The following EVPL variants were observed in gnomAD, a reference collection of about 807,000 sequenced individuals.
EVPL encodes the protein envoplakin.
EVPL carries 94 observed loss-of-function variants against 129.7 expected under a neutral mutation model. That is an observed-to-expected ratio of 0.72 (90% CI 0.61 to 0.86). The LOEUF is 0.86. Among genes scored for constraint, EVPL ranks in the 40% least tolerant of loss-of-function variants. The pLI is 0.00. For missense variants in EVPL, 2,625 were observed against 2,721.1 expected (o/e 0.96, Z 0.79); for synonymous variants, 1,172 against 1,191.1 (o/e 0.98, Z 0.33).
Position 76,008,945 on chromosome 17 carries a change from C to A in EVPL, c.4260G>T (p.Glu1420Asp). The A allele has an allele frequency of 6.2e-7, 1 of 1,612,182 alleles. No individual in the cohort carries two copies. Among genetic ancestry groups the A allele is most frequent in the Non-Finnish European group, 8.5e-7 (1 of 1,179,992 alleles). Residue 1420 changes from glutamate (E) to aspartate (D), a missense_variant, in exon 22 of 22, where the codon GAG becomes GAT. Glu to Asp is a conservative substitution (Grantham distance 45). Around this residue, in one of 4 missense-constraint regions of EVPL, gnomAD observed 1,453 missense variants for 1,511.8 expected, o/e 0.96. Coordinates refer to ENST00000301607, the MANE Select transcript of EVPL (RefSeq NM_001988.4). The surrounding 1 kb of genome is among the most constrained non-coding windows in gnomAD (Gnocchi z 7.4). ...GGTCCTCCTGGAAGCTGAGCAGGCC[C>A]TCCTGCTCCTCCACGCCGGCCCGCA... Reference protein sequence around the residue: ...QQLRAGVEEQEGLLSFQEDRS... With the variant: ...QQLRAGVEEQDGLLSFQEDRS...
rs567347961 is a variant in EVPL, at chr17:76,008,960, G to A, written c.4245C>T (p.Gly1415=). The part of the protein sequence containing the change: ...LELEVQQLRA[G]VEEQEGLLSF... Reference sequence around the variant, plus strand: ...TGAGCAGGCCCTCCTGCTCCTCCACGCCGGCCCGCAGCTGCTGCACCTCAA... The same window carrying A: ...TGAGCAGGCCCTCCTGCTCCTCCACACCGGCCCGCAGCTGCTGCACCTCAA... Residue 1415 remains glycine (G), a synonymous_variant, in exon 22 of 22, where the codon GGC becomes GGT. Transcript: ENST00000301607. The surrounding 1 kb of genome is among the most constrained non-coding windows in gnomAD (Gnocchi z 7.4). The A allele has an allele frequency of 1.6e-5, 25 of 1,611,448 alleles. No individual in the cohort carries two copies. In the East Asian group the frequency reaches 3.1e-4, roughly 20 times the overall value.
At chr17:76,021,417 C>G in intron 9 of EVPL, 51 bp downstream of exon 9, 1 of 593,852 alleles carries the variant, frequency 1.7e-6, no homozygotes. Context: ...TGCTCCCGCC[C>G]CTGCCGCCCC....
rs2066353965 is a variant in EVPL at position 76,009,343 on chromosome 17, G to A, written c.3862C>T (p.Gln1288Ter). The A allele has an allele frequency of 6.2e-7, 1 of 1,612,592 alleles. No homozygotes were observed. The highest frequency in any genetic ancestry group is 1.7e-5 in the Admixed American group (1 of 59,998). The change falls in exon 22 of 22, where the codon CAG becomes TAG. Residue 1288 changes from glutamine to a stop codon, truncating the protein, a stop_gained. Coordinates refer to ENST00000301607, the MANE Select transcript of EVPL (RefSeq NM_001988.4). LOFTEE classifies it low-confidence loss of function (END_TRUNC). The surrounding 1 kb of genome is among the most constrained non-coding windows in gnomAD (Gnocchi z 5.9). ...CCCTGCAGGCGGATGAGCTGCTCCTGGGAGCGCCCGTGGCTGTTGACGAGC... is the reference window on the plus strand; with the variant it reads ...CCCTGCAGGCGGATGAGCTGCTCCTAGGAGCGCCCGTGGCTGTTGACGAGC... ...NELVNSHGRS[Q>*]EQLIRLQGER...
chr17:76,015,677 A>C (rs1280557060), intron 14 of EVPL, 49 bp from the exon 15 acceptor site: 1 of 1,555,196 alleles, frequency 6.4e-7, no homozygotes, highest in East Asian at 2.3e-5. Context: ...GTTCCGCCCG[A>C]CTCTTCTACC....
At chr17:76,027,052 A>T in intron 1 of EVPL, 49 bp downstream of exon 1, 1 of 1,140,720 alleles carries the variant, frequency 8.8e-7, no homozygotes, top group Non-Finnish European at 1.2e-6. Flanking sequence ...TGGGCCTGGC[A>T]CCACCCCCAC....
Position 76,007,154 on chromosome 17 carries a change from C to T in EVPL, c.6051G>A (p.Gly2017=). The change falls in exon 22 of 22, where the codon GGG becomes GGA. Residue 2017 remains glycine (G), a synonymous_variant. Transcript: ENST00000301607. The surrounding 1 kb of genome is among the most constrained non-coding windows in gnomAD (Gnocchi z 8.8). ...GGGAGGCGGAGCGGTAGCAGCGGTA[C>T]CCCTCCAGTGCCGCTGGCAGGAGCA... is the stretch of plus-strand genomic sequence containing the variant. ...GLLLLPAALE[G]YRCYRSASPT... 2.0e-6 allele frequency: 3 copies of T among 1,501,104 alleles called. No homozygotes were observed. Among genetic ancestry groups the T allele is most frequent in the Non-Finnish European group, 2.7e-6 (3 of 1,123,344 alleles). The allele number at this position is 1,501,104 out of a possible 1,614,324, so 93.0% of individuals were successfully genotyped here.
In EVPL at chr17:76,015,074, G is replaced by A; in HGVS notation, c.2064C>T (p.Cys688=). The A allele has an allele frequency of 6.3e-7, 1 of 1,580,806 alleles. No individual in the cohort carries two copies. Reference sequence around the variant, plus strand: ...TCAGCGCGCGGTGTAGCCGCAGCACGCAGGTCTGCTGTTCCAGCAGCTCCC... The same window carrying A: ...TCAGCGCGCGGTGTAGCCGCAGCACACAGGTCTGCTGTTCCAGCAGCTCCC... ...QRRELLEQQT[C]VLRLHRALKA... The change falls in exon 17 of 22, where the codon TGC becomes TGT. Residue 688 remains cysteine (C), a synonymous_variant. Transcript: ENST00000301607.
chr17:76,025,968 G>T (rs750041490), intron 1 of EVPL, among the ~76,000 whole-genome samples: 14 of 152,228 alleles, frequency 9.2e-5, no homozygotes, highest in Non-Finnish European at 1.6e-4. Flanking sequence ...AACAGACAGG[G>T]TCTTGCTCTG....
rs771583898 is a variant in EVPL at position 76,017,723 on chromosome 17, C to A, written c.1710+16G>T. On this transcript the variant is annotated intron_variant, in intron 14 of 21. Transcript: ENST00000301607. ...CCGCTTCTCATCCCAGCCGCCCCTT[C>A]CCGCTGCTCACCCACCTCATGGCTG... The A allele has an allele frequency of 6.2e-7, 1 of 1,606,186 alleles. No homozygotes were observed. Among genetic ancestry groups the A allele is most frequent in the Non-Finnish European group, 8.5e-7 (1 of 1,176,678 alleles).
At chr17:76,023,267 T>C (rs1223485349) in intron 4 of EVPL, 25 bp downstream of exon 4, 2 of 1,613,296 alleles carry the variant, frequency 1.2e-6, no homozygotes, top group East Asian at 4.5e-5. Flanking sequence ...CTGATCACAC[T>C]GGGGTGTGAC....
intron 4 of EVPL, among the ~76,000 whole-genome samples, 166 bp downstream of exon 4, chr17:76,023,126 C>T (rs1229411558): frequency 1.3e-5 from 2 of 152,118 alleles, no homozygotes; most frequent in African/African-American, 4.8e-5. Context: ...GTACCTCCTC[C>T]TGCAGGAAGT....
rs1160756131 is a variant in EVPL, at chr17:76,014,472, G to A, written c.2327C>T (p.Pro776Leu). ...GGCGATCTGGCTGGGGCCGTCGCTG[G>A]GCCGCACCTGGCTGCGGGGCAGGTG... is the stretch of plus-strand genomic sequence containing the variant. The part of the protein sequence containing the change: ...LEHLPRSQVR[P>L]SDGPSQIAYK... The change falls in exon 18 of 22, where the codon CCC (proline) becomes CTC (leucine). Residue 776 changes from proline (P) to leucine (L), a missense_variant. Physicochemically the swap from Pro to Leu is moderately conservative, Grantham distance 98. This residue lies in a region of EVPL where 1,024 missense variants were observed against 997.5 expected (regional missense o/e 1.03). Coordinates refer to ENST00000301607, the MANE Select transcript of EVPL (RefSeq NM_001988.4). The A allele has an allele frequency of 9.9e-6, 16 of 1,611,830 alleles. No homozygotes were observed. Among genetic ancestry groups the A allele is most frequent in the Non-Finnish European group, 1.4e-5 (16 of 1,179,478 alleles).
chr17:76,014,474 C>T lies in EVPL; in HGVS notation c.2325G>A (p.Arg775=). Residue 775 remains arginine, a synonymous_variant, in exon 18 of 22, where the codon CGG becomes CGA. Transcript: ENST00000301607. ...WLEHLPRSQV[R]PSDGPSQIAY... is the part of the protein sequence containing the mutation. Reference sequence around the variant, plus strand: ...CGATCTGGCTGGGGCCGTCGCTGGGCCGCACCTGGCTGCGGGGCAGGTGCT... The same window carrying T: ...CGATCTGGCTGGGGCCGTCGCTGGGTCGCACCTGGCTGCGGGGCAGGTGCT... 6.2e-7 allele frequency: 1 copy of T among 1,611,966 alleles called. No individual in the cohort carries two copies. Among genetic ancestry groups the T allele is most frequent in the Non-Finnish European group, 8.5e-7 (1 of 1,179,480 alleles).
At chr17:76,023,704 C>T in intron 2 of EVPL, 50 bp from the exon 3 acceptor site, 1 of 1,486,610 alleles carries the variant, frequency 6.7e-7, no homozygotes, top group Non-Finnish European at 9.0e-7. Flanking sequence ...CCCCCACACC[C>T]CTGCTGCCCA....
intron 9 of EVPL, 86 bp downstream of exon 9, chr17:76,021,382 G>A (rs1242799539): frequency 1.6e-6 from 2 of 1,285,858 alleles, no homozygotes; most frequent in Non-Finnish European, 2.2e-6. Flanking sequence ...GAGGTGCAGT[G>A]CCTCTCCTGT....
In EVPL at chr17:76,023,292, C is replaced by T. The variant is rs774816824; in HGVS notation, c.480G>A (p.Gln160=). The T allele has an allele frequency of 1.2e-6, 2 of 1,613,898 alleles. No homozygotes were observed. The highest frequency in any genetic ancestry group is 1.7e-5 in the Admixed American group (1 of 60,022). Residue 160 remains glutamine (Q), a splice_region_variant and synonymous_variant, in exon 4 of 22, where the codon CAG becomes CAA. Transcript: ENST00000301607. ...TGGGGTGTGACTTTGAGTTCCTGACCTGTTTCTGCTCCAGCACGCGTGCCC... is the reference window on the plus strand; with the variant it reads ...TGGGGTGTGACTTTGAGTTCCTGACTTGTTTCTGCTCCAGCACGCGTGCCC... ...VDWARVLEQK[Q]KQVCAGQYGP... is the part of the protein sequence containing the mutation.
intron 17 of EVPL, 71 bp from the exon 18 acceptor site, chr17:76,014,647 G>A: frequency 6.4e-7 from 1 of 1,560,280 alleles, no homozygotes; most frequent in Non-Finnish European, 8.6e-7. Context: ...GCACAGGGAG[G>A]CTGATGGGAG....
At position 76,007,604 on chromosome 17, in the gene EVPL, GC is replaced by G; in HGVS notation, c.5600del (p.Gly1867AlafsTer21). 6.2e-7 allele frequency: 1 copy of G among 1,613,922 alleles called. No homozygotes were observed. The highest frequency in any genetic ancestry group is 8.5e-7 in the Non-Finnish European group (1 of 1,180,046). On this transcript the variant is annotated frameshift_variant, in exon 22 of 22. Transcript: ENST00000301607. LOFTEE classifies it low-confidence loss of function (END_TRUNC). This position sits in a 1 kb window ranked among gnomAD's most constrained non-coding sequence, Gnocchi z 8.8. ...GCTCACGGCTGAGCAGGTCCACGAT[GC>G]CCCCTGTGGCCGCCTGGGCCTCCAG... ...KLLEAQAATG[G>X]IVDLLSRERY...
chr17:76,019,565 G>T lies in EVPL; in HGVS notation c.1100C>A (p.Pro367His). ...CAGCAGCTCTGTGGGGGCGCCAGGG[G>T]GGCCCCCAGGTGCAGGGCTGTACTT... The part of the protein sequence containing the change: ...DAKYSPAPGG[P>H]PGAPTELLQQ... The change falls in exon 10 of 22, where the codon CCC becomes CAC. Residue 367 changes from proline (P) to histidine (H), a missense_variant. Pro to His is a moderately conservative substitution (Grantham distance 77). This residue lies in a region of EVPL where 1,024 missense variants were observed against 997.5 expected (regional missense o/e 1.03). Transcript: ENST00000301607. The T allele has an allele frequency of 6.3e-7, 1 of 1,577,990 alleles. No individual in the cohort carries two copies. Among genetic ancestry groups the T allele is most frequent in the Non-Finnish European group, 8.6e-7 (1 of 1,166,822 alleles).
Sources: allele counts gnomAD v4.1 joint callset (sites outside exome capture counted in the v4.1 genomes callset), GRCh38; gene constraint gnomAD v4.1.1; regional missense constraint gnomAD v4.1.1; non-coding constraint Gnocchi (gnomAD v3.1); transcripts MANE v1.5; gene names NCBI Gene and HGNC (gene_info 2026-07-23, HGNC 2026-07-21).